Variants in SPTBN2 observed in about 807,000 individuals in gnomAD.
The protein encoded by SPTBN2 is spectrin beta chain, non-erythrocytic 2.
SPTBN2 carries 107 observed loss-of-function variants against 284.2 expected under a neutral mutation model. That is an observed-to-expected ratio of 0.38 (90% CI 0.32 to 0.44). The LOEUF (loss-of-function observed/expected upper bound fraction) is 0.44, where lower values mean the gene tolerates loss of function less well. Ranked by LOEUF, SPTBN2 falls within the 20% of genes least tolerant of loss-of-function variation. The pLI, the probability that SPTBN2 is intolerant of heterozygous loss-of-function variation, is 1.00. For missense variants in SPTBN2, 2,569 were observed against 3,287.1 expected, an observed-to-expected ratio of 0.78 and a Z score of 5.34; for synonymous variants, 1,289 against 1,354.8, an observed-to-expected ratio of 0.95 and a Z score of 1.07.
intron 13 of SPTBN2, 151 bp from the exon 14 acceptor site, chr11:66,705,988 C>T (rs903224515): frequency 6.4e-6 from 7 of 1,093,486 alleles, no homozygotes; most frequent in South Asian, 2.9e-5. Context: ...CCAGTTCTGC[C>T]CTGGCACCCC....
rs767066674 is a variant in SPTBN2, at chr11:66,704,729, C to G, written c.2547G>C (p.Glu849Asp). The G allele has an allele frequency of 6.2e-7, 1 of 1,604,630 alleles. No homozygotes were observed. The highest frequency in any genetic ancestry group is 2.2e-5 in the East Asian group (1 of 44,450). Residue 849 changes from glutamate to aspartate, a missense_variant, in exon 15 of 38, where the codon GAG becomes GAC. This residue lies in a region of SPTBN2 where 1,012 missense variants were observed against 1,248.9 expected (regional missense o/e 0.81). Coordinates refer to ENST00000533211, the MANE Select transcript of SPTBN2 (RefSeq NM_006946.4). ...GCATGGTGTAGAGCGCCAGGGCTGC[C>G]TCCAAGGCCCGCGCTCGCTCGCCTG... ...ARAGERARALEAALALYTMLS... is the reference protein window; with the variant it reads ...ARAGERARALDAALALYTMLS...
Position 66,701,631 on chromosome 11 carries a change from G to A in SPTBN2, c.2769C>T (p.Pro923=), listed in dbSNP as rs757934071. 6.2e-7 allele frequency: 1 copy of A among 1,614,134 alleles called. No homozygotes were observed. Among genetic ancestry groups the A allele is most frequent in the Non-Finnish European group, 8.5e-7 (1 of 1,180,040 alleles). ...DIAEQLLKAN[P]PGKDRIVNTQ... ...TGTTGACAATGCGGTCTTTGCCTGGGGGGTTGGCCTTCAGTAACTGCTCGG... is the reference window on the plus strand; with the variant it reads ...TGTTGACAATGCGGTCTTTGCCTGGAGGGTTGGCCTTCAGTAACTGCTCGG... Residue 923 remains proline, a synonymous_variant, in exon 16 of 38, where the codon CCC becomes CCT. Transcript: ENST00000533211.
intron 18 of SPTBN2, 24 bp from the exon 19 acceptor site, chr11:66,699,106 A>G: frequency 6.2e-7 from 1 of 1,613,862 alleles, no homozygotes; most frequent in Non-Finnish European, 8.5e-7. Flanking sequence ...CTCTTGTGAA[A>G]CTCTGGAATT....
intron 18 of SPTBN2, 84 bp downstream of exon 18, chr11:66,699,322 C>A: frequency 6.5e-7 from 1 of 1,549,662 alleles, no homozygotes; most frequent in Non-Finnish European, 8.8e-7. Flanking sequence ...CTGTGGGTTT[C>A]CTGTGCCACG....
rs549918589 is a variant in SPTBN2, at chr11:66,700,987, C to A, written c.3112G>T (p.Ala1038Ser). ...CCGGTCTGCACCTCTCTCAGCCGGG[C>A]GTTGATGGCCACTGCCTGAGCGGGA... ...GHPAQAVAIN[A>S]RLREVQTGWE... Residue 1038 changes from alanine (A) to serine (S), a missense_variant, in exon 17 of 38, where the codon GCC (alanine) becomes TCC (serine). Ala to Ser is a moderately conservative substitution (Grantham distance 99, BLOSUM62 1). Transcript: ENST00000533211. This position sits in a 1 kb window ranked among gnomAD's most constrained non-coding sequence, Gnocchi z 6.6. The A allele has an allele frequency of 6.2e-7, 1 of 1,607,226 alleles. No individual in the cohort carries two copies.
chr11:66,719,471 C>T (rs944509495), intron 3 of SPTBN2, among the ~76,000 whole-genome samples: 10 of 152,254 alleles, frequency 6.6e-5, no homozygotes, highest in African/African-American at 1.9e-4. Context: ...AGACACAGTG[C>T]TAGGCAAATC....
intron 3 of SPTBN2, among the ~76,000 whole-genome samples, chr11:66,719,577 G>GT (rs752419381): frequency 6.6e-6 from 1 of 152,210 alleles, no homozygotes; most frequent in Non-Finnish European, 1.5e-5. Context: ...CACAGACATG[G>GT]TGACAGTGCT....
rs759623899 is a variant in SPTBN2, at chr11:66,718,062, T to C, written c.158-2081A>G. On this transcript the variant is annotated intron_variant, in intron 3 of 37. Transcript: ENST00000533211. This position sits in a 1 kb window ranked among gnomAD's most constrained non-coding sequence, Gnocchi z 4.8. Reference sequence around the variant, plus strand: ...CTCACCCCTCCGCCTCCCCTAACTGTCCTGGCCAGCGCTCCACCGCCAGAT... The same window carrying C: ...CTCACCCCTCCGCCTCCCCTAACTGCCCTGGCCAGCGCTCCACCGCCAGAT... Among the ~76,000 whole-genome samples, 5 of 151,994 alleles carry C rather than the reference T, an allele frequency of 3.3e-5. No homozygotes were observed. Among genetic ancestry groups the C allele is most frequent in the Non-Finnish European group, 7.4e-5 (5 of 67,986 alleles).
In SPTBN2 at chr11:66,683,566, G is replaced by A. The variant is rs1939922666; in HGVS notation, c.*2305C>T. Among the ~76,000 whole-genome samples the A allele has an allele frequency of 6.6e-6, 1 of 152,028 alleles. No homozygotes were observed. The highest frequency in any genetic ancestry group is 1.5e-5 in the Non-Finnish European group (1 of 68,022). On this transcript the variant is annotated 3_prime_UTR_variant, in exon 38 of 38. Coordinates refer to ENST00000533211, the MANE Select transcript of SPTBN2 (RefSeq NM_006946.4). ...TGACACTATGCTTCCCCTCTTCTAT[G>A]TCCTGTTCTTAAGGAATCATGCCCT... is the stretch of plus-strand genomic sequence containing the variant.
In SPTBN2 at chr11:66,685,616, G is replaced by T. The variant is rs1027360435; in HGVS notation, c.*255C>A. Reference sequence around the variant, plus strand: ...TGAGGGACAGAGGCACGAGGCTGGGGAAAGGGGAGAAGTCGGCGGGGGTGG... The same window carrying T: ...TGAGGGACAGAGGCACGAGGCTGGGTAAAGGGGAGAAGTCGGCGGGGGTGG... On this transcript the variant is annotated 3_prime_UTR_variant, in exon 38 of 38. Coordinates refer to ENST00000533211, the MANE Select transcript of SPTBN2 (RefSeq NM_006946.4). This position sits in a 1 kb window ranked among gnomAD's most constrained non-coding sequence, Gnocchi z 4.4. 12 of 500,698 alleles carry T rather than the reference G, an allele frequency of 2.4e-5. No individual in the cohort carries two copies. Among genetic ancestry groups the T allele is most frequent in the South Asian group, 2.0e-4 (10 of 50,104 alleles). The allele number at this position is 500,698 out of a possible 1,614,324, so 31.0% of individuals were successfully genotyped here.
At chr11:66,688,143 T>C in intron 32 of SPTBN2, 26 bp downstream of exon 32, 1 of 1,613,550 alleles carries the variant, frequency 6.2e-7, no homozygotes, top group Non-Finnish European at 8.5e-7. Flanking sequence ...AGCCGCCTCC[T>C]CCTACCCAGG....
In SPTBN2 at chr11:66,715,303, T is replaced by C. The variant is rs1942085916; in HGVS notation, c.402A>G (p.Glu134=). 1 of 1,614,246 alleles carries C rather than the reference T, an allele frequency of 6.2e-7. No homozygotes were observed. The highest frequency in any genetic ancestry group is 1.7e-5 in the Admixed American group (1 of 60,026). ...QFLKEQKVHL[E]NMGSHDIVDG... ...CCACAATGTCATGGGAGCCCATGTT[T>C]TCCAAGTGCACTTTCTGCTCCTTGA... Residue 134 remains glutamate, a synonymous_variant, in exon 5 of 38, where the codon GAA becomes GAG. Transcript: ENST00000533211. This position sits in a 1 kb window ranked among gnomAD's most constrained non-coding sequence, Gnocchi z 5.3.
In SPTBN2 at chr11:66,707,866, C is replaced by T; in HGVS notation, c.1351-48G>A. 6.3e-7 allele frequency: 1 copy of T among 1,594,352 alleles called. No individual in the cohort carries two copies. Among genetic ancestry groups the T allele is most frequent in the Non-Finnish European group, 8.5e-7 (1 of 1,175,106 alleles). ...AGGTGTGGGGACCAAGGGACAGTGC[C>T]TCTGCCTGCTCCTCTGTCCTGCAGG... On this transcript the variant is annotated intron_variant, in intron 12 of 37. Coordinates refer to ENST00000533211, the MANE Select transcript of SPTBN2 (RefSeq NM_006946.4). This position sits in a 1 kb window ranked among gnomAD's most constrained non-coding sequence, Gnocchi z 4.9.
rs1195598714 is a variant in SPTBN2 at position 66,707,599 on chromosome 11, G to A, written c.1570C>T (p.Arg524Trp). Residue 524 changes from arginine to tryptophan, a missense_variant, in exon 13 of 38, where the codon CGG becomes TGG. Arg to Trp is a moderately radical substitution (Grantham distance 101). This residue lies in a region of SPTBN2 where 1,012 missense variants were observed against 1,248.9 expected (regional missense o/e 0.81). Transcript: ENST00000533211. The surrounding 1 kb of genome is among the most constrained non-coding windows in gnomAD (Gnocchi z 4.9). ...TCCAGGTTGAGGAGGAGCCGCTCCC[G>A]CCGGGCGGCCACCATCTGCCGCAAG... ...DFLRQMVAAR[R>W]ERLLLNLELQ... is the part of the protein sequence containing the mutation. 9 of 1,611,428 alleles carry A rather than the reference G, an allele frequency of 5.6e-6. No individual in the cohort carries two copies. The highest frequency in any genetic ancestry group is 2.2e-5 in the South Asian group (2 of 91,064).
At position 66,684,163 on chromosome 11, in the gene SPTBN2, A is replaced by G. The variant is rs938493235; in HGVS notation, c.*1708T>C. ...AAAGATGGGGCTGCCTTCCTGGAAAAACGGTTGTCTGTGTGTATAGGAAAC... is the reference window on the plus strand; with the variant it reads ...AAAGATGGGGCTGCCTTCCTGGAAAGACGGTTGTCTGTGTGTATAGGAAAC... On this transcript the variant is annotated 3_prime_UTR_variant, in exon 38 of 38. Coordinates refer to ENST00000533211, the MANE Select transcript of SPTBN2 (RefSeq NM_006946.4). 6.6e-6 allele frequency among the ~76,000 whole-genome samples: 1 copy of G among 152,124 alleles called. No individual in the cohort carries two copies. Among genetic ancestry groups the G allele is most frequent in the Non-Finnish European group, 1.5e-5 (1 of 68,014 alleles).
Position 66,700,952 on chromosome 11 carries a change from G to A in SPTBN2, c.3147C>T (p.Asp1049=), listed in dbSNP as rs923435459. Reference sequence around the variant, plus strand: ...CTCGACGCCGCATGGTGGCCCTGAGGTCCTCCCAGCCGGTCTGCACCTCTC... The same window carrying A: ...CTCGACGCCGCATGGTGGCCCTGAGATCCTCCCAGCCGGTCTGCACCTCTC... ...RLREVQTGWE[D]LRATMRRREE... The change falls in exon 17 of 38, where the codon GAC becomes GAT. Residue 1049 remains aspartate (D), a synonymous_variant. Transcript: ENST00000533211. This position sits in a 1 kb window ranked among gnomAD's most constrained non-coding sequence, Gnocchi z 6.6. 2 of 1,604,514 alleles carry A rather than the reference G, an allele frequency of 1.2e-6. No homozygotes were observed. The highest frequency in any genetic ancestry group is 8.5e-7 in the Non-Finnish European group (1 of 1,179,844).
At chr11:66,686,576 C>T (rs1337463891) in intron 36 of SPTBN2, 136 bp from the exon 37 acceptor site, 4 of 936,756 alleles carry the variant, frequency 4.3e-6, no homozygotes, top group Non-Finnish European at 6.9e-6. Flanking sequence ...CAGACACGCT[C>T]TGCACATTCT....
intron 25 of SPTBN2, 94 bp downstream of exon 25, chr11:66,692,876 T>C: frequency 1.3e-6 from 2 of 1,596,122 alleles, no homozygotes; most frequent in South Asian, 2.2e-5. Context: ...GAAGGCTCCG[T>C]GCACACAGCA....
intron 10 of SPTBN2, 76 bp from the exon 11 acceptor site, chr11:66,709,095 G>A (rs539114175): frequency 1.7e-6 from 2 of 1,198,376 alleles, no homozygotes; most frequent in Non-Finnish European, 2.5e-6. Context: ...TTCCAAATGG[G>A]TGTCCTGTGT....
Sources: allele counts gnomAD v4.1 joint callset (sites outside exome capture counted in the v4.1 genomes callset), GRCh38; gene constraint gnomAD v4.1.1; regional missense constraint gnomAD v4.1.1; non-coding constraint Gnocchi (gnomAD v3.1); transcripts MANE v1.5; gene names NCBI Gene and HGNC (gene_info 2026-07-23, HGNC 2026-07-21).